SLC20A2: variants seen among roughly 807,000 people sequenced by gnomAD.
The protein encoded by SLC20A2 is sodium-dependent phosphate transporter 2.
A neutral mutation model predicts 61.0 loss-of-function variants in SLC20A2; 30 were observed. That is an observed-to-expected ratio of 0.49 (90% CI 0.37 to 0.67). The LOEUF is 0.67. Among genes scored for constraint, SLC20A2 ranks in the 30% least tolerant of loss-of-function variants. SLC20A2 has a pLI of 0.00. For missense variants in SLC20A2, 626 were observed against 866.4 expected, an observed-to-expected ratio of 0.72 and a Z score of 3.48; for synonymous variants, 351 against 353.3, an observed-to-expected ratio of 0.99 and a Z score of 0.07.
intron 5 of SLC20A2, among the ~76,000 whole-genome samples, chr8:42,458,933 AT>A (rs1436518086): frequency 3.7e-5 from 5 of 135,364 alleles, no homozygotes; most frequent in Middle Eastern, 3.4e-3. Flanking sequence ...ATAAAAAATA[AT>A]TTTTAACCCC....
intron 10 of SLC20A2, among the ~76,000 whole-genome samples, chr8:42,418,901 G>A (rs937272595): frequency 9.2e-5 from 14 of 151,514 alleles, no homozygotes; most frequent in Non-Finnish European, 1.8e-4. Flanking sequence ...GGGAGGCTGA[G>A]GCGGGAGAAT....
intron 5 of SLC20A2, among the ~76,000 whole-genome samples, chr8:42,445,755 A>G (rs1203476447): frequency 2.0e-5 from 3 of 152,102 alleles, no homozygotes; most frequent in African/African-American, 2.4e-5. Flanking sequence ...AAAGAAAAAA[A>G]AAGAAAGGAG....
chr8:42,416,634 A>G lies in SLC20A2; in HGVS notation c.*1169T>C, dbSNP rs982196433. ...ACTTCCTCCCTCCCGCTATCAAAAA[A>G]AGAAGAGACTCCAATGGGATGGAGT... On this transcript the variant is annotated 3_prime_UTR_variant, in exon 11 of 11. Coordinates refer to ENST00000520262, the MANE Select transcript of SLC20A2 (RefSeq NM_001257180.2). 38 of 152,664 alleles carry G rather than the reference A, an allele frequency of 2.5e-4. No individual in the cohort carries two copies. Among genetic ancestry groups the G allele is most frequent in the African/African-American group, 8.9e-4 (37 of 41,466 alleles). 9.5% of individuals were successfully genotyped at this position (152,664 alleles called of 1,614,324 possible). A position where few individuals can be genotyped will look rare whatever the true frequency, so the allele number is the denominator to read the frequency against.
chr8:42,437,126 G>A lies in SLC20A2; in HGVS notation c.1386C>T (p.Asp462=), dbSNP rs780606421. ...CAGGGTCCTCTCGCGGCTGGTCAGGGTCGGCCAGCTCCGACGCCAGCTTCA... is the reference window on the plus strand; with the variant it reads ...CAGGGTCCTCTCGCGGCTGGTCAGGATCGGCCAGCTCCGACGCCAGCTTCA... ...VEMKLASELA[D]PDQPREDPAE... is the part of the protein sequence containing the mutation. The change falls in exon 8 of 11, where the codon GAC becomes GAT. Residue 462 remains aspartate, a synonymous_variant. Coordinates refer to ENST00000520262, the MANE Select transcript of SLC20A2 (RefSeq NM_001257180.2). This position sits in a 1 kb window ranked among gnomAD's most constrained non-coding sequence, Gnocchi z 6.4. 6.2e-7 allele frequency: 1 copy of A among 1,613,824 alleles called. No homozygotes were observed. Among genetic ancestry groups the A allele is most frequent in the Non-Finnish European group, 8.5e-7 (1 of 1,180,032 alleles).
At chr8:42,439,895 G>C (rs1422607652) in intron 6 of SLC20A2, among the ~76,000 whole-genome samples, 1 of 152,014 alleles carries the variant, frequency 6.6e-6, no homozygotes, top group Non-Finnish European at 1.5e-5. Flanking sequence ...GACCAGCCTG[G>C]ATAATATGGT....
chr8:42,427,414 C>T (rs1011777486), intron 10 of SLC20A2, among the ~76,000 whole-genome samples: 1 of 152,136 alleles, frequency 6.6e-6, no homozygotes, highest in Admixed American at 6.5e-5. Context: ...ATGTGGGAAG[C>T]GGCTCAACTC....
At chr8:42,470,987 AAAAG>A in intron 2 of SLC20A2, 2 of 350,040 alleles carry the variant, frequency 5.7e-6, no homozygotes, top group South Asian at 2.3e-5. Flanking sequence ...AAAAAAAAAA[AAAAG>A]AAAAGAAAAA....
intron 8 of SLC20A2, among the ~76,000 whole-genome samples, chr8:42,431,416 A>C (rs1233479738): frequency 6.6e-6 from 1 of 152,264 alleles, no homozygotes; most frequent in African/African-American, 2.4e-5. Flanking sequence ...GAAGCTAAAG[A>C]AAAGCTGGAA....
chr8:42,435,650 A>G (rs1438449274), intron 8 of SLC20A2, among the ~76,000 whole-genome samples: 1 of 152,078 alleles, frequency 6.6e-6, no homozygotes, highest in East Asian at 1.9e-4. Context: ...GGGTGGGGTC[A>G]AGGTTGGAGG....
At chr8:42,452,265 A>G (rs1403087445) in intron 5 of SLC20A2, among the ~76,000 whole-genome samples, 4 of 139,434 alleles carry the variant, frequency 2.9e-5, no homozygotes, top group Non-Finnish European at 6.2e-5. Context: ...AGGAAGAGAT[A>G]GAGGAGGAAG....
chr8:42,447,444 A>G lies in SLC20A2; in HGVS notation c.614-2682T>C, dbSNP rs559956525. 1.6e-3 allele frequency among the ~76,000 whole-genome samples: 239 copies of G among 152,232 alleles called. 3 individuals carry two copies. Among genetic ancestry groups the G allele is most frequent in the South Asian group, 5.6e-3 (27 of 4,816 alleles). ...TGTAATCCCAGCACTTTGGGAGGCC[A>G]AGGCGGGCAGATCACAAGGTCAGGA... On this transcript the variant is annotated intron_variant, in intron 5 of 10. Transcript: ENST00000520262.
intron 4 of SLC20A2, among the ~76,000 whole-genome samples, chr8:42,462,393 G>T (rs1431952843): frequency 6.6e-6 from 1 of 152,190 alleles, no homozygotes. Context: ...GCCTGCAGAG[G>T]AAGCATGCAC....
At chr8:42,441,088 C>T (rs938690388) in intron 6 of SLC20A2, among the ~76,000 whole-genome samples, 2 of 151,766 alleles carry the variant, frequency 1.3e-5, no homozygotes, top group South Asian at 2.1e-4. Flanking sequence ...CGTGAGCCAC[C>T]GTGTCTGGCC....
Position 42,444,610 on chromosome 8 carries a change from C to A in SLC20A2, c.730+36G>T, listed in dbSNP as rs775607099. The A allele has an allele frequency of 2.0e-6, 3 of 1,500,568 alleles. No individual in the cohort carries two copies. In the African/African-American group the frequency reaches 4.1e-5, roughly 21 times the overall value. 93.0% of individuals were successfully genotyped at this position (1,500,568 alleles called of 1,614,324 possible). ...CATGTGAGGTTTTGGGAATCGGGAG[C>A]ATTTCTGTAAATCAGAAGAATTAAA... On this transcript the variant is annotated intron_variant, in intron 6 of 10. Coordinates refer to ENST00000520262, the MANE Select transcript of SLC20A2 (RefSeq NM_001257180.2).
intron 5 of SLC20A2, among the ~76,000 whole-genome samples, chr8:42,459,342 TA>T (rs1367894669): frequency 6.6e-6 from 1 of 151,584 alleles, no homozygotes; most frequent in Non-Finnish European, 1.5e-5. Flanking sequence ...CTTCGGTATC[TA>T]AAAAAACAAA....
chr8:42,482,862 T>C (rs1823346496), intron 1 of SLC20A2, among the ~76,000 whole-genome samples: 1 of 149,254 alleles, frequency 6.7e-6, no homozygotes, highest in Admixed American at 6.7e-5. Context: ...TCTCTCTACA[T>C]GGTAAAAATC....
intron 1 of SLC20A2, among the ~76,000 whole-genome samples, chr8:42,499,120 G>A (rs990447385): frequency 2.6e-5 from 4 of 152,296 alleles, no homozygotes; most frequent in East Asian, 1.9e-4. Context: ...CAGGGGAGAC[G>A]TGCGGTCACC....
intron 1 of SLC20A2, among the ~76,000 whole-genome samples, chr8:42,518,035 G>C (rs1811421577): frequency 6.6e-6 from 1 of 152,204 alleles, no homozygotes; most frequent in Admixed American, 6.5e-5. Flanking sequence ...CCGCCTCCCA[G>C]GTTCAAGCGA....
At chr8:42,526,672 C>CA (rs35859760) in intron 1 of SLC20A2, among the ~76,000 whole-genome samples, 87,164 of 133,266 alleles carry the variant, frequency 0.65, 26,381 homozygotes, top group Middle Eastern at 0.72. Context: ...GACTCTGTCT[C>CA]AAAAAAAAAA....
Sources: gnomAD v4.1 joint callset for allele counts (sites outside exome capture counted in the v4.1 genomes callset) on GRCh38, gnomAD v4.1.1 for gene constraint, Gnocchi (gnomAD v3.1) non-coding constraint, MANE v1.5 for transcripts, NCBI Gene and HGNC (gene_info 2026-07-23, HGNC 2026-07-21) for gene names.